Variants in EPRS1 observed in about 807,000 individuals in gnomAD.
EPRS1 encodes glutamyl-prolyl-tRNA synthetase 1.
Under a neutral mutation model 188.3 loss-of-function variants are expected in EPRS1, and 107 were observed. That is an observed-to-expected ratio of 0.57 (90% confidence interval 0.49 to 0.67). The LOEUF is 0.67. Ranked by LOEUF, EPRS1 falls within the 30% of genes least tolerant of loss-of-function variation. The probability of loss-of-function intolerance (pLI) is 0.00; values close to 1 mark genes in which losing one functional copy is unlikely to be tolerated. For missense variants in EPRS1, 1,577 were observed against 1,802.2 expected (o/e 0.88, Z 2.26); for synonymous variants, 596 against 593.1 (o/e 1.00, Z -0.07).
Position 219,980,126 on chromosome 1 carries a change from T to C in EPRS1, c.3670A>G (p.Thr1224Ala), listed in dbSNP as rs1660867172. ...EKFAGGDYTT[T>A]IEAFISASGR... ...CTAGCAGATATAAATGCTTCTATTG[T>C]AGTTGTATAGTCTCCTCCTGCAAAT... Residue 1224 changes from threonine to alanine, a missense_variant, in exon 26 of 32, where the codon ACA becomes GCA. Physicochemically the swap from Thr to Ala is moderately conservative, Grantham distance 58 (BLOSUM62 0). Coordinates refer to ENST00000366923, the MANE Select transcript of EPRS1 (RefSeq NM_004446.3). 1.2e-6 allele frequency: 2 copies of C among 1,613,790 alleles called. No homozygotes were observed. Among genetic ancestry groups the C allele is most frequent in the Admixed American group, 1.7e-5 (1 of 60,000 alleles).
intron 18 of EPRS1, among the ~76,000 whole-genome samples, chr1:219,993,345 T>C (rs1415506708): frequency 1.3e-5 from 2 of 152,240 alleles, no homozygotes; most frequent in East Asian, 1.9e-4. Flanking sequence ...ACTTGATCCA[T>C]TATTTTATGC....
chr1:220,025,549 CTTTTT>C (rs1366429096), intron 6 of EPRS1, among the ~76,000 whole-genome samples: 1 of 151,970 alleles, frequency 6.6e-6, no homozygotes, highest in Non-Finnish European at 1.5e-5. Flanking sequence ...TCTCCTTTTT[CTTTTT>C]ATCAAAAAGA....
chr1:220,021,355 G>T (rs1661875069), intron 9 of EPRS1, among the ~76,000 whole-genome samples: 1 of 147,128 alleles, frequency 6.8e-6, no homozygotes. Context: ...TACCTGGCTA[G>T]TTTTTTTTTT....
rs769413690 is a variant in EPRS1, at chr1:220,024,346, C to T, written c.861G>A (p.Gly287=). The T allele has an allele frequency of 1.2e-6, 2 of 1,613,498 alleles. No individual in the cohort carries two copies. Among genetic ancestry groups the T allele is most frequent in the South Asian group, 1.1e-5 (1 of 91,064 alleles). ...CAGGAGTATCATCCACATAAGCCTTCCCTTCTTGAATTAGCTTCTCTGCAT... is the reference window on the plus strand; with the variant it reads ...CAGGAGTATCATCCACATAAGCCTTTCCTTCTTGAATTAGCTTCTCTGCAT... ...MKYAEKLIQE[G]KAYVDDTPAE... Residue 287 remains glycine, a synonymous_variant, in exon 8 of 32, where the codon GGG becomes GGA. Coordinates refer to ENST00000366923, the MANE Select transcript of EPRS1 (RefSeq NM_004446.3).
chr1:219,988,780 G>A lies in EPRS1; in HGVS notation c.2585C>T (p.Ala862Val), dbSNP rs771900459. The A allele has an allele frequency of 3.7e-6, 6 of 1,612,374 alleles. No individual in the cohort carries two copies. The African/African-American group carries it at 5.3e-5, about 14-fold the overall frequency. The change falls in exon 19 of 32, where the codon GCT becomes GTT. Residue 862 changes from alanine to valine, a missense_variant. Physicochemically the swap from Ala to Val is moderately conservative, Grantham distance 64. Coordinates refer to ENST00000366923, the MANE Select transcript of EPRS1 (RefSeq NM_004446.3). ...CTTCCCAGTTTTTTCTTTATACTGA[G>A]CCTTCAGGGACAGTAAGCATTCTAC... ...EAVECLLSLK[A>V]QYKEKTGKEY... is the part of the protein sequence containing the mutation.
intron 2 of EPRS1, among the ~76,000 whole-genome samples, chr1:220,036,137 T>C (rs1432376590): frequency 1.3e-5 from 2 of 151,042 alleles, no homozygotes; most frequent in African/African-American, 2.4e-5. Context: ...GAAGTGGAGG[T>C]TGCAGTGAGC....
At chr1:219,976,246 A>G (rs1660778081) in intron 28 of EPRS1, among the ~76,000 whole-genome samples, 1 of 152,232 alleles carries the variant, frequency 6.6e-6, no homozygotes, top group South Asian at 2.1e-4. Flanking sequence ...TAGAAAGGCT[A>G]ATAAAAAATG....
intron 18 of EPRS1, among the ~76,000 whole-genome samples, chr1:219,992,443 C>A (rs1381999933): frequency 6.6e-6 from 1 of 152,162 alleles, no homozygotes; most frequent in Non-Finnish European, 1.5e-5. Flanking sequence ...GATTTTTAAA[C>A]AACTGTTAAC....
chr1:220,004,710 G>C (rs1335118018), intron 16 of EPRS1, among the ~76,000 whole-genome samples: 1 of 151,970 alleles, frequency 6.6e-6, no homozygotes, highest in Non-Finnish European at 1.5e-5. Flanking sequence ...TCTCAGGAGA[G>C]GCGTTTTGAC....
chr1:220,007,578 TAG>T (rs1445391568), intron 13 of EPRS1, among the ~76,000 whole-genome samples: 1 of 152,204 alleles, frequency 6.6e-6, no homozygotes, highest in African/African-American at 2.4e-5. Flanking sequence ...TCGGCCTCAA[TAG>T]AAATCAATAG....
chr1:220,034,888 C>T lies in EPRS1; in HGVS notation c.231+26G>A, dbSNP rs771943286. On this transcript the variant is annotated intron_variant, in intron 3 of 31. Coordinates refer to ENST00000366923, the MANE Select transcript of EPRS1 (RefSeq NM_004446.3). ...AAAAACAGAAGCATAAGACAAAACACACACAACAAAATGTTCATTGCTTAC... is the reference window on the plus strand; with the variant it reads ...AAAAACAGAAGCATAAGACAAAACATACACAACAAAATGTTCATTGCTTAC... 5 of 1,282,684 alleles carry T rather than the reference C, an allele frequency of 3.9e-6. No homozygotes were observed. The South Asian group carries it at 5.9e-5, about 15-fold the overall frequency. The allele number at this position is 1,282,684 out of a possible 1,614,324, so 79.5% of individuals were successfully genotyped here. A position where few individuals can be genotyped will look rare whatever the true frequency, so the allele number is the denominator to read the frequency against.
In EPRS1 at chr1:220,001,446, G is replaced by T. The variant is rs563822199; in HGVS notation, c.2064-191C>A. Among the ~76,000 whole-genome samples, 35 of 152,146 alleles carry T rather than the reference G, an allele frequency of 2.3e-4. 1 individual carries two copies. The South Asian group carries it at 2.7e-3, about 12-fold the overall frequency. ...AGTGATGTGATCTAAGCTCACTGCA[G>T]CTTCCACCTCCTGCGTTCAAGTGAT... is the stretch of plus-strand genomic sequence containing the variant. On this transcript the variant is annotated intron_variant, in intron 16 of 31. Transcript: ENST00000366923.
At position 219,980,790 on chromosome 1, in the gene EPRS1, C is replaced by T; in HGVS notation, c.3521G>A (p.Ser1174Asn). 6.2e-7 allele frequency: 1 copy of T among 1,613,396 alleles called. No individual in the cohort carries two copies. Among genetic ancestry groups the T allele is most frequent in the South Asian group, 1.1e-5 (1 of 90,908 alleles). The change falls in exon 25 of 32, where the codon AGT becomes AAT. Residue 1174 changes from serine to asparagine, a missense_variant. Around this residue, in one of 3 missense-constraint regions of EPRS1, gnomAD observed 1,278 missense variants for 1,457.4 expected, o/e 0.88. Transcript: ENST00000366923. ...TGCCTCTTCCATGGTAGCAAAAGCA[C>T]TGTGCCCTTCCTGCCAAAGAAATTC... ...TREFLWQEGHSAFATMEEAAE... is the reference protein window; with the variant it reads ...TREFLWQEGHNAFATMEEAAE...
At position 220,024,337 on chromosome 1, in the gene EPRS1, A is replaced by T; in HGVS notation, c.870T>A (p.Tyr290Ter). Reference sequence around the variant, plus strand: ...TCTGTTCAGCAGGAGTATCATCCACATAAGCCTTCCCTTCTTGAATTAGCT... The same window carrying T: ...TCTGTTCAGCAGGAGTATCATCCACTTAAGCCTTCCCTTCTTGAATTAGCT... ...AEKLIQEGKA[Y>*]VDDTPAEQMK... Residue 290 changes from tyrosine to a stop codon, truncating the protein, a stop_gained, in exon 8 of 32, where the codon TAT becomes TAA. Coordinates refer to ENST00000366923, the MANE Select transcript of EPRS1 (RefSeq NM_004446.3). LOFTEE classifies it high-confidence loss of function. 6.2e-7 allele frequency: 1 copy of T among 1,613,748 alleles called. No homozygotes were observed. Among genetic ancestry groups the T allele is most frequent in the Admixed American group, 1.7e-5 (1 of 59,990 alleles).
chr1:220,001,091 A>T (rs1429105771), intron 17 of EPRS1, 47 bp downstream of exon 17: 1 of 1,022,016 alleles, frequency 9.8e-7, no homozygotes, highest in East Asian at 2.4e-5. Flanking sequence ...AAACCCTGGG[A>T]TAGAAAGACC....
In EPRS1 at chr1:220,001,244, C is replaced by A. The variant is rs1339697295; in HGVS notation, c.2075G>T (p.Cys692Phe). 6.2e-7 allele frequency: 1 copy of A among 1,604,402 alleles called. No homozygotes were observed. The highest frequency in any genetic ancestry group is 8.5e-7 in the Non-Finnish European group (1 of 1,171,258). The change falls in exon 17 of 32, where the codon TGC (cysteine) becomes TTC (phenylalanine). Residue 692 changes from cysteine (C) to phenylalanine (F), a missense_variant. Cys to Phe is a radical substitution (Grantham distance 205). Transcript: ENST00000366923. ...QPYEPVSPYS[C>F]KEAPCVLIYI... ...TATCAAAACACACGGGGCTTCCTTG[C>A]AACTATATGGGCTAAAAAGAAAATA...
chr1:219,979,694 G>A (rs1449663801), intron 26 of EPRS1, 79 bp from the exon 27 acceptor site: 7 of 941,834 alleles, frequency 7.4e-6, no homozygotes, highest in Non-Finnish European at 1.1e-5. Flanking sequence ...AAGATCACAT[G>A]CTTTAAAATG....
chr1:219,972,226 T>C, intron 29 of EPRS1, 79 bp from the exon 30 acceptor site: 1 of 911,854 alleles, frequency 1.1e-6, no homozygotes, highest in Admixed American at 2.5e-5. Flanking sequence ...TAAGCACAAT[T>C]TAATGAAAAG....
At chr1:220,030,861 G>T (rs1022324208) in intron 5 of EPRS1, among the ~76,000 whole-genome samples, 1 of 152,164 alleles carries the variant, frequency 6.6e-6, no homozygotes, top group African/African-American at 2.4e-5. Flanking sequence ...GGAGGCCGAG[G>T]ATGGCAGATC....
Sources: allele counts gnomAD v4.1 joint callset (sites outside exome capture counted in the v4.1 genomes callset), GRCh38; gene constraint gnomAD v4.1.1; regional missense constraint gnomAD v4.1.1; transcripts MANE v1.5; gene names NCBI Gene and HGNC (gene_info 2026-07-23, HGNC 2026-07-21).